Variants in ARMC6 observed in about 807,000 individuals in gnomAD.
The protein encoded by ARMC6 is armadillo repeat containing 6, also known as armadillo repeat-containing protein 6.
Under a neutral mutation model 49.2 loss-of-function variants are expected in ARMC6, and 43 were observed. The observed-to-expected ratio is 0.87, with a 90% CI of 0.69 to 1.13. ARMC6 has a LOEUF of 1.13. ARMC6 is among the 50% of genes most tolerant of loss of function. The pLI, the probability that ARMC6 is intolerant of heterozygous loss-of-function variation, is 0.00. For synonymous variants in ARMC6, 262 were observed against 289.6 expected (o/e 0.90, Z 0.97); for missense variants, 627 against 682.0 (o/e 0.92, Z 0.90).
At chr19:19,049,624 C>T (rs569057524) in intron 4 of ARMC6, among the ~76,000 whole-genome samples, 2 of 152,354 alleles carry the variant, frequency 1.3e-5, no homozygotes, top group East Asian at 3.9e-4. Context: ...CTATCCATGA[C>T]TTGCGATACT....
intron 4 of ARMC6, among the ~76,000 whole-genome samples, chr19:19,046,925 C>CGGTTT (rs2059454900): frequency 5.8e-5 from 1 of 17,218 alleles, no homozygotes; most frequent in Non-Finnish European, 1.1e-4. Context: ...ACATGCTCAC[C>CGGTTT]TGTTTTTTTT....
intron 5 of ARMC6, among the ~76,000 whole-genome samples, chr19:19,053,475 A>G (rs2059515909): frequency 6.6e-6 from 1 of 152,060 alleles, no homozygotes; most frequent in Admixed American, 6.6e-5. Context: ...TGACAAAGCG[A>G]GACTCTGTCT....
At chr19:19,040,390 G>T (rs1382893685) in intron 2 of ARMC6, among the ~76,000 whole-genome samples, 3 of 152,024 alleles carry the variant, frequency 2.0e-5, no homozygotes, top group Non-Finnish European at 1.5e-5. Flanking sequence ...TATAACCTGG[G>T]ACTCATTTGT....
In ARMC6 at chr19:19,043,972, G is replaced by T. The variant is rs780491687; in HGVS notation, c.197-20G>T. On this transcript the variant is annotated intron_variant, in intron 3 of 8. Coordinates refer to ENST00000535612, the MANE Select transcript of ARMC6 (RefSeq NM_001199196.2). Reference sequence around the variant, plus strand: ...CTTTCTTTCTGACCCCTGTGTGCTTGCTTCCCCCACCCCCAACAGGGGTTG... The same window carrying T: ...CTTTCTTTCTGACCCCTGTGTGCTTTCTTCCCCCACCCCCAACAGGGGTTG... 34 of 1,611,538 alleles carry T rather than the reference G, an allele frequency of 2.1e-5. No homozygotes were observed. The highest frequency in any genetic ancestry group is 1.7e-6 in the Non-Finnish European group (2 of 1,177,826).
Position 19,051,820 on chromosome 19 carries a change from A to T in ARMC6, c.478A>T (p.Asn160Tyr). The change falls in exon 5 of 9, where the codon AAT becomes TAT. Residue 160 changes from asparagine (N) to tyrosine (Y), a missense_variant. Transcript: ENST00000535612. ...CCAGGGCCTTCTGCTCCAGTCCCTC[A>T]ATGCCCTGTCGGTGCTGACTGATGG... is the stretch of plus-strand genomic sequence containing the variant. ...GDQGLLLQSL[N>Y]ALSVLTDGQP... is the part of the protein sequence containing the mutation. The T allele has an allele frequency of 6.2e-7, 1 of 1,614,044 alleles. No individual in the cohort carries two copies. The highest frequency in any genetic ancestry group is 8.5e-7 in the Non-Finnish European group (1 of 1,179,996).
intron 2 of ARMC6, among the ~76,000 whole-genome samples, chr19:19,036,700 G>T (rs1249927276): frequency 2.0e-5 from 3 of 152,194 alleles, no homozygotes; most frequent in Non-Finnish European, 2.9e-5. Context: ...ATCTGCAAAA[G>T]AGTGAGATGG....
chr19:19,034,140 A>T lies in ARMC6; in HGVS notation c.-70A>T, dbSNP rs1295082336. 3 of 1,039,702 alleles carry T rather than the reference A, an allele frequency of 2.9e-6. No individual in the cohort carries two copies. The highest frequency in any genetic ancestry group is 1.6e-5 in the African/African-American group (1 of 63,942). The allele number at this position is 1,039,702 out of a possible 1,614,324, so 64.4% of individuals were successfully genotyped here. A position where few individuals can be genotyped will look rare whatever the true frequency, so the allele number is the denominator to read the frequency against. Reference sequence around the variant, plus strand: ...TTATTTATTCATTCAGCACCTGTGCACTGAGTGCCTGCTGCGTGTCGGGCC... The same window carrying T: ...TTATTTATTCATTCAGCACCTGTGCTCTGAGTGCCTGCTGCGTGTCGGGCC... On this transcript the variant is annotated 5_prime_UTR_variant, in exon 2 of 9. Coordinates refer to ENST00000535612, the MANE Select transcript of ARMC6 (RefSeq NM_001199196.2).
chr19:19,050,630 C>T (rs2059488464), intron 4 of ARMC6, among the ~76,000 whole-genome samples: 1 of 152,198 alleles, frequency 6.6e-6, no homozygotes, highest in Non-Finnish European at 1.5e-5. Context: ...TAGTCATGCA[C>T]ACTGGTGTTA....
chr19:19,042,563 G>A, intron 2 of ARMC6, 148 bp from the exon 3 acceptor site: 2 of 746,178 alleles, frequency 2.7e-6, no homozygotes, highest in South Asian at 1.6e-5. Context: ...ACCCTTTCCT[G>A]TGATAACAGG....
At chr19:19,051,418 A>G (rs1163619721) in intron 4 of ARMC6, among the ~76,000 whole-genome samples, 1 of 93,736 alleles carries the variant, frequency 1.1e-5, no homozygotes, top group Non-Finnish European at 2.3e-5. Context: ...TGTGTGTGTC[A>G]GTCTTCCACG....
chr19:19,043,983 C>T lies in ARMC6; in HGVS notation c.197-9C>T. The T allele has an allele frequency of 6.2e-7, 1 of 1,613,720 alleles. No homozygotes were observed. Among genetic ancestry groups the T allele is most frequent in the Non-Finnish European group, 8.5e-7 (1 of 1,179,688 alleles). ...ACCCCTGTGTGCTTGCTTCCCCCAC[C>T]CCCAACAGGGGTTGATCTGAGCAAC... is the stretch of plus-strand genomic sequence containing the variant. On this transcript the variant is annotated splice_polypyrimidine_tract_variant and intron_variant, in intron 3 of 8. Coordinates refer to ENST00000535612, the MANE Select transcript of ARMC6 (RefSeq NM_001199196.2).
chr19:19,040,998 GT>G (rs2059407906), intron 2 of ARMC6, among the ~76,000 whole-genome samples: 1 of 152,046 alleles, frequency 6.6e-6, no homozygotes, highest in Non-Finnish European at 1.5e-5. Context: ...CTGGCTCCTT[GT>G]TTTTAAAGAT....
rs192280362 is a variant in ARMC6, at chr19:19,042,699, C to T, written c.30-12C>T. On this transcript the variant is annotated splice_polypyrimidine_tract_variant and intron_variant, in intron 2 of 8. Coordinates refer to ENST00000535612, the MANE Select transcript of ARMC6 (RefSeq NM_001199196.2). ...CCCTTGAGGTAGCTCTCTCTTTGCC[C>T]TAACCTCTCAGCTCAGGAGCATCTA... 1.4e-5 allele frequency: 23 copies of T among 1,611,514 alleles called. No homozygotes were observed. In the African/African-American group the frequency reaches 2.8e-4, roughly 20 times the overall value.
chr19:19,053,161 C>T (rs1026472236), intron 5 of ARMC6, among the ~76,000 whole-genome samples: 5 of 152,084 alleles, frequency 3.3e-5, no homozygotes, highest in Non-Finnish European at 5.9e-5. Flanking sequence ...GGAATGAGTC[C>T]CATTCACATT....
Position 19,055,291 on chromosome 19 carries a change from C to T in ARMC6, c.1050C>T (p.Thr350=), listed in dbSNP as rs952831260. The change falls in exon 7 of 9, where the codon ACC becomes ACT. Residue 350 remains threonine, a synonymous_variant. Transcript: ENST00000535612. This position sits in a 1 kb window ranked among gnomAD's most constrained non-coding sequence, Gnocchi z 5.7. ...VQELVKQVLS[T]LRAIAGNDDV... Reference sequence around the variant, plus strand: ...AGCTCGTGAAGCAAGTGCTGAGCACCCTGCGAGCCATCGCAGGCAACGACG... The same window carrying T: ...AGCTCGTGAAGCAAGTGCTGAGCACTCTGCGAGCCATCGCAGGCAACGACG... 11 of 1,610,664 alleles carry T rather than the reference C, an allele frequency of 6.8e-6. No individual in the cohort carries two copies. The highest frequency in any genetic ancestry group is 9.3e-6 in the Non-Finnish European group (11 of 1,178,168).
rs2059312960 is a variant in ARMC6, at chr19:19,034,147, G to A, written c.-63G>A. On this transcript the variant is annotated 5_prime_UTR_variant, in exon 2 of 9. Coordinates refer to ENST00000535612, the MANE Select transcript of ARMC6 (RefSeq NM_001199196.2). The stretch of plus-strand genomic sequence containing the variant: ...TTCATTCAGCACCTGTGCACTGAGT[G>A]CCTGCTGCGTGTCGGGCCCCGTCCT... 4.4e-6 allele frequency: 5 copies of A among 1,138,534 alleles called. No homozygotes were observed. Among genetic ancestry groups the A allele is most frequent in the African/African-American group, 1.5e-5 (1 of 65,780 alleles). 70.5% of individuals were successfully genotyped at this position (1,138,534 alleles called of 1,614,324 possible). A position where few individuals can be genotyped will look rare whatever the true frequency, so the allele number is the denominator to read the frequency against.
At chr19:19,034,865 T>C (rs1032483904) in intron 2 of ARMC6, among the ~76,000 whole-genome samples, 1 of 134,554 alleles carries the variant, frequency 7.4e-6, no homozygotes, top group Non-Finnish European at 1.6e-5. Flanking sequence ...TTGCCTGGCC[T>C]TTTTTTTTTT....
chr19:19,056,190 G>T (rs1238644577), intron 8 of ARMC6, among the ~76,000 whole-genome samples: 2 of 151,998 alleles, frequency 1.3e-5, no homozygotes, highest in Non-Finnish European at 2.9e-5. Context: ...CTTTTTTGGG[G>T]AGGGGGTAGT....
At chr19:19,043,186 T>C (rs1006249071) in intron 3 of ARMC6, among the ~76,000 whole-genome samples, 11 of 152,230 alleles carry the variant, frequency 7.2e-5, no homozygotes, top group African/African-American at 2.7e-4. Flanking sequence ...TGCCCTACTC[T>C]ACCCTACCTC....
Sources: allele counts gnomAD v4.1 joint callset (sites outside exome capture counted in the v4.1 genomes callset), GRCh38; gene constraint gnomAD v4.1.1; non-coding constraint Gnocchi (gnomAD v3.1); transcripts MANE v1.5; gene names NCBI Gene and HGNC (gene_info 2026-07-23, HGNC 2026-07-21).